The following NEXMIF variants were observed in gnomAD, a reference collection of about 807,000 sequenced individuals.
NEXMIF encodes XLMR protein related to neurite extension.
A neutral mutation model predicts 62.1 loss-of-function variants in NEXMIF; 8 were observed. That is an observed-to-expected ratio of 0.13 (90% CI 0.08 to 0.23). The LOEUF (loss-of-function observed/expected upper bound fraction) is 0.23. NEXMIF is among the 10% of genes least tolerant of loss of function. NEXMIF has a pLI of 1.00. For synonymous variants in NEXMIF, 404 were observed against 416.6 expected, an observed-to-expected ratio of 0.97 and a Z score of 0.37; for missense variants, 976 against 1,113.3, an observed-to-expected ratio of 0.88 and a Z score of 1.75.
Position 74,900,700 on chromosome X carries a change from G to T in NEXMIF, c.-48+24183C>A, listed in dbSNP as rs765842827. Among the ~76,000 whole-genome samples, 4 of 111,454 alleles carry T rather than the reference G, an allele frequency of 3.6e-5. No individual in the cohort carries two copies. In the Admixed American group the frequency reaches 3.8e-4, roughly 11 times the overall value. On this transcript the variant is annotated intron_variant, in intron 1 of 3. Coordinates refer to ENST00000055682, the MANE Select transcript of NEXMIF (RefSeq NM_001008537.3). ...ATTATTGAAGGCAGGGTCTTGAAGA[G>T]ATATTTGTACACCCATTGTCATTCA...
intron 1 of NEXMIF, among the ~76,000 whole-genome samples, chrX:74,852,626 T>A (rs1353022406): frequency 8.9e-6 from 1 of 111,826 alleles, no homozygotes; most frequent in African/African-American, 3.2e-5. Context: ...TCTGAAACTC[T>A]AAATCAATAA....
intron 1 of NEXMIF, among the ~76,000 whole-genome samples, chrX:74,851,964 T>G (rs954121194): frequency 9.0e-6 from 1 of 110,936 alleles, no homozygotes; most frequent in African/African-American, 3.3e-5. Context: ...CCTCACATAT[T>G]AATAATAATC....
At chrX:74,922,726 G>A (rs1362954912) in intron 1 of NEXMIF, among the ~76,000 whole-genome samples, 2 of 110,869 alleles carry the variant, frequency 1.8e-5, no homozygotes, top group Admixed American at 9.6e-5. Context: ...TTAAATATAT[G>A]TACAATGTAT....
intron 1 of NEXMIF, among the ~76,000 whole-genome samples, chrX:74,842,578 G>C (rs2080477522): frequency 9.0e-6 from 1 of 111,357 alleles, no homozygotes; most frequent in South Asian, 3.8e-4. Flanking sequence ...GTTAATTTGA[G>C]ATCTTTCTAA....
intron 1 of NEXMIF, among the ~76,000 whole-genome samples, chrX:74,854,642 C>A (rs1018019639): frequency 1.8e-5 from 2 of 111,553 alleles, no homozygotes; most frequent in Non-Finnish European, 3.8e-5. Flanking sequence ...AAACTATCCA[C>A]CTCTGCAGAC....
intron 1 of NEXMIF, among the ~76,000 whole-genome samples, chrX:74,769,234 A>G (rs1397266409): frequency 9.0e-6 from 1 of 111,297 alleles, no homozygotes; most frequent in Non-Finnish European, 1.9e-5. Context: ...ACAAAAACAA[A>G]ACACCTGTGT....
intron 1 of NEXMIF, among the ~76,000 whole-genome samples, chrX:74,878,846 G>C (rs2080650467): frequency 8.9e-6 from 1 of 112,185 alleles, no homozygotes; most frequent in African/African-American, 3.2e-5. Context: ...CCCTGCTTCA[G>C]CTCGCGCATG....
At chrX:74,796,169 TA>T (rs1305468228) in intron 1 of NEXMIF, among the ~76,000 whole-genome samples, 8 of 74,150 alleles carry the variant, frequency 1.1e-4, no homozygotes, top group Non-Finnish European at 1.7e-4. Flanking sequence ...ATATTATATA[TA>T]TTATATATAT....
At chrX:74,872,389 A>G (rs1270596975) in intron 1 of NEXMIF, among the ~76,000 whole-genome samples, 1 of 96,603 alleles carries the variant, frequency 1.0e-5, no homozygotes, top group Non-Finnish European at 2.1e-5. Flanking sequence ...AATTTAACAC[A>G]TAGGGATAGA....
intron 1 of NEXMIF, among the ~76,000 whole-genome samples, chrX:74,804,561 A>C (rs2080339320): frequency 8.9e-6 from 1 of 111,864 alleles, no homozygotes; most frequent in Non-Finnish European, 1.9e-5. Flanking sequence ...TCAAAATGTC[A>C]TCCAGGTGCC....
chrX:74,875,955 T>A lies in NEXMIF; in HGVS notation c.-48+48928A>T, dbSNP rs1161986547. 4.5e-5 allele frequency among the ~76,000 whole-genome samples: 5 copies of A among 111,586 alleles called. No homozygotes were observed. The South Asian group carries it at 1.9e-3, about 42-fold the overall frequency. On this transcript the variant is annotated intron_variant, in intron 1 of 3. Coordinates refer to ENST00000055682, the MANE Select transcript of NEXMIF (RefSeq NM_001008537.3). ...CCTTTCAAAAAACCAGCTCCTAGAT[T>A]CATTAATTTTTTGAAGGTTTTTTTG...
intron 1 of NEXMIF, among the ~76,000 whole-genome samples, chrX:74,837,085 C>T (rs2080459546): frequency 9.0e-6 from 1 of 110,966 alleles, no homozygotes; most frequent in African/African-American, 3.3e-5. Flanking sequence ...CAGTGTAGCA[C>T]TGAAATCAAT....
chrX:74,804,951 A>T (rs1341394662), intron 1 of NEXMIF, among the ~76,000 whole-genome samples: 2 of 111,829 alleles, frequency 1.8e-5, no homozygotes, highest in African/African-American at 6.5e-5. Flanking sequence ...TCTCACTAGG[A>T]TTAATTTAAA....
intron 1 of NEXMIF, among the ~76,000 whole-genome samples, chrX:74,875,841 T>C (rs2080629496): frequency 9.0e-6 from 1 of 111,706 alleles, no homozygotes; most frequent in Admixed American, 9.5e-5. Flanking sequence ...GGTGGTGATA[T>C]CCCCTTTATC....
chrX:74,759,294 G>A (rs1317673084), intron 1 of NEXMIF, among the ~76,000 whole-genome samples: 1 of 112,065 alleles, frequency 8.9e-6, no homozygotes, highest in East Asian at 2.8e-4. Context: ...TTAGACCTTT[G>A]TCGAATGCAT....
chrX:74,851,458 T>C (rs1424625646), intron 1 of NEXMIF, among the ~76,000 whole-genome samples: 1 of 110,985 alleles, frequency 9.0e-6, no homozygotes, highest in Non-Finnish European at 1.9e-5. Context: ...GACAAAGAGA[T>C]AATTTTAAAA....
intron 1 of NEXMIF, among the ~76,000 whole-genome samples, chrX:74,775,068 T>C (rs1429452517): frequency 8.9e-6 from 1 of 111,819 alleles, no homozygotes; most frequent in African/African-American, 3.2e-5. Flanking sequence ...GAGACTGTTA[T>C]CCTGACCCAC....
intron 1 of NEXMIF, among the ~76,000 whole-genome samples, chrX:74,791,750 C>G (rs1052870563): frequency 9.1e-6 from 1 of 109,751 alleles, no homozygotes; most frequent in African/African-American, 3.3e-5. Context: ...TCTAGATTTT[C>G]TAGTTTATTT....
intron 1 of NEXMIF, among the ~76,000 whole-genome samples, chrX:74,796,580 G>C (rs1016034381): frequency 9.2e-6 from 1 of 108,812 alleles, no homozygotes; most frequent in Non-Finnish European, 1.9e-5. Flanking sequence ...CAGAAAATTA[G>C]CAAGTACTAA....
Sources: gnomAD v4.1 joint callset for allele counts (sites outside exome capture counted in the v4.1 genomes callset) on GRCh38, gnomAD v4.1.1 for gene constraint, MANE v1.5 for transcripts, NCBI Gene and HGNC (gene_info 2026-07-23, HGNC 2026-07-21) for gene names.